MGAT4C: variants seen among roughly 807,000 people sequenced by gnomAD.
MGAT4C encodes the protein alpha-1,3-mannosyl-glycoprotein 4-beta-N-acetylglucosaminyltransferase C.
Under a neutral mutation model 40.1 loss-of-function variants are expected in MGAT4C, and 19 were observed. The ratio of observed to expected loss-of-function variants is 0.47; its 90% CI spans 0.33 to 0.70. The LOEUF is 0.70. MGAT4C is among the 30% of genes least tolerant of loss of function. The pLI, the probability that MGAT4C is intolerant of heterozygous loss-of-function variation, is 0.02. For synonymous variants in MGAT4C, 181 were observed against 187.1 expected (o/e 0.97, Z 0.27); for missense variants, 491 against 563.2 (o/e 0.87, Z 1.30).
At chr12:86,091,869 C>G (rs1354258) in intron 1 of MGAT4C, among the ~76,000 whole-genome samples, 3 of 147,170 alleles carry the variant, frequency 2.0e-5, no homozygotes, top group African/African-American at 8.1e-5. Flanking sequence ...AAAGACATTA[C>G]GAGAGGAAAG....
chr12:86,123,838 C>T (rs184762649), intron 1 of MGAT4C, among the ~76,000 whole-genome samples: 54 of 151,976 alleles, frequency 3.6e-4, no homozygotes, highest in Admixed American at 2.0e-3. Flanking sequence ...TTATAAAATA[C>T]GGACGAAGGA....
intron 2 of MGAT4C, among the ~76,000 whole-genome samples, chr12:86,694,912 C>T (rs981182420): frequency 5.9e-5 from 9 of 152,082 alleles, no homozygotes; most frequent in Non-Finnish European, 1.2e-4. Context: ...CAAAAATGGA[C>T]AAATGGGATC....
rs182600927 is a variant in MGAT4C, at chr12:86,500,225, C to T, written c.-228-64960G>A. 3.3e-3 allele frequency among the ~76,000 whole-genome samples: 501 copies of T among 151,484 alleles called. 2 individuals carry two copies. Among genetic ancestry groups the T allele is most frequent in the African/African-American group, 0.012 (484 of 41,320 alleles). ...TGTGTATTTATACACACACACATAT[C>T]ATATATTAAAAACTTAGAACACACA... is the stretch of plus-strand genomic sequence containing the variant. On this transcript the variant is annotated intron_variant, in intron 2 of 7. Coordinates refer to the MGAT4C transcript ENST00000548651.
chr12:86,387,111 T>G (rs893699816), intron 3 of MGAT4C, among the ~76,000 whole-genome samples: 5 of 152,150 alleles, frequency 3.3e-5, no homozygotes, highest in Non-Finnish European at 7.4e-5. Context: ...TAATAAGTCT[T>G]TCTTCTAACA....
At chr12:86,033,840 A>G (rs932007372) in intron 2 of MGAT4C, among the ~76,000 whole-genome samples, 3 of 149,436 alleles carry the variant, frequency 2.0e-5, no homozygotes, top group Non-Finnish European at 4.5e-5. Context: ...AGTTCCCAAA[A>G]GCTTCCAGCT....
intron 1 of MGAT4C, among the ~76,000 whole-genome samples, chr12:86,078,024 A>G (rs974670399): frequency 2.0e-5 from 3 of 152,200 alleles, no homozygotes; most frequent in Non-Finnish European, 2.9e-5. Context: ...CCTCTAGGCC[A>G]GCAAAACATA....
At chr12:86,569,380 C>T (rs948032814) in intron 2 of MGAT4C, among the ~76,000 whole-genome samples, 2 of 151,904 alleles carry the variant, frequency 1.3e-5, no homozygotes, top group Non-Finnish European at 2.9e-5. Context: ...AAAGGATATC[C>T]GTAGAGCTTT....
chr12:86,461,447 T>A (rs1327202532), intron 2 of MGAT4C, among the ~76,000 whole-genome samples: 2 of 151,860 alleles, frequency 1.3e-5, no homozygotes, highest in Non-Finnish European at 2.9e-5. Context: ...GGGTTTCACC[T>A]TGTTAGCCAG....
intron 2 of MGAT4C, among the ~76,000 whole-genome samples, chr12:86,614,168 G>T (rs935014975): frequency 2.0e-5 from 3 of 152,168 alleles, no homozygotes; most frequent in African/African-American, 7.2e-5. Context: ...ATTATTAGAA[G>T]TCAGGCAATA....
intron 2 of MGAT4C, among the ~76,000 whole-genome samples, chr12:86,616,649 T>C (rs1224518796): frequency 6.6e-6 from 1 of 151,784 alleles, no homozygotes; most frequent in East Asian, 1.9e-4. Flanking sequence ...CATTTATTTC[T>C]GTATGCTGTA....
chr12:86,199,988 C>A (rs955491635), intron 1 of MGAT4C, among the ~76,000 whole-genome samples: 1 of 152,008 alleles, frequency 6.6e-6, no homozygotes, highest in Non-Finnish European at 1.5e-5. Flanking sequence ...AGAACATTTC[C>A]ATCCCCAGAG....
At chr12:86,373,830 C>G (rs770838035) in intron 3 of MGAT4C, among the ~76,000 whole-genome samples, 74 of 152,002 alleles carry the variant, frequency 4.9e-4, no homozygotes, top group Non-Finnish European at 9.0e-4. Flanking sequence ...GTTGTTTTCT[C>G]ATTCTGCTTC....
chr12:86,025,240 A>C (rs1214131143), intron 2 of MGAT4C, among the ~76,000 whole-genome samples: 1 of 151,682 alleles, frequency 6.6e-6, no homozygotes, highest in Non-Finnish European at 1.5e-5. Context: ...GCATAATAAA[A>C]ATCTGCAATG....
intron 3 of MGAT4C, among the ~76,000 whole-genome samples, chr12:86,368,208 GA>G (rs1955644606): frequency 6.6e-6 from 1 of 152,032 alleles, no homozygotes; most frequent in Admixed American, 6.6e-5. Flanking sequence ...TATCAACAAT[GA>G]AAAGGAAAAC....
At chr12:86,770,146 A>G (rs1951604945) in intron 1 of MGAT4C, among the ~76,000 whole-genome samples, 1 of 151,714 alleles carries the variant, frequency 6.6e-6, no homozygotes, top group South Asian at 2.1e-4. Flanking sequence ...AACAGAGACT[A>G]TTTTTTTTCA....
intron 1 of MGAT4C, among the ~76,000 whole-genome samples, chr12:86,079,170 AG>A (rs1870355716): frequency 6.6e-6 from 1 of 152,192 alleles, no homozygotes; most frequent in African/African-American, 2.4e-5. Flanking sequence ...GGTTGAAAGG[AG>A]TAGCATTTGT....
chr12:86,354,948 A>G (rs747214039), intron 3 of MGAT4C, among the ~76,000 whole-genome samples: 7 of 152,180 alleles, frequency 4.6e-5, no homozygotes, highest in Admixed American at 6.5e-5. Flanking sequence ...CGAGAACCCA[A>G]GGGGGGTGCC....
Position 86,296,228 on chromosome 12 carries a change from A to G in MGAT4C, c.-57+37837T>C, listed in dbSNP as rs1953670405. Among the ~76,000 whole-genome samples the G allele has an allele frequency of 2.6e-5, 4 of 152,126 alleles. No homozygotes were observed. In the South Asian group the frequency reaches 8.3e-4, roughly 32 times the overall value. On this transcript the variant is annotated intron_variant, in intron 4 of 7. Transcript: ENST00000548651. ...CTAGATACAGAGTGTCGATTGGTGC[A>G]CTCACAAACCTTGAGCTAAACACAG...
chr12:86,736,179 A>T (rs1950982983), intron 1 of MGAT4C, among the ~76,000 whole-genome samples: 1 of 151,714 alleles, frequency 6.6e-6, no homozygotes, highest in Admixed American at 6.6e-5. Context: ...CCCCATTTTA[A>T]CTCCAAAACT....
Sources: gnomAD v4.1 joint callset for allele counts (sites outside exome capture counted in the v4.1 genomes callset) on GRCh38, gnomAD v4.1.1 for gene constraint, MANE v1.5 for transcripts, NCBI Gene and HGNC (gene_info 2026-07-23, HGNC 2026-07-21) for gene names.